Variants in DNAH2 observed in about 807,000 individuals in gnomAD.
DNAH2 encodes the protein axonemal beta dynein heavy chain 2.
Under a neutral mutation model 523.5 loss-of-function variants are expected in DNAH2, and 323 were observed. That is an observed-to-expected ratio of 0.62 (90% confidence interval 0.56 to 0.68). The LOEUF (loss-of-function observed/expected upper bound fraction) is 0.68. DNAH2 is among the 30% of genes least tolerant of loss of function. The pLI, the probability that DNAH2 is intolerant of heterozygous loss-of-function variation, is 0.00. For missense variants in DNAH2, 4,907 were observed against 5,701.5 expected (o/e 0.86, Z 4.49); for synonymous variants, 2,093 against 2,177.4 (o/e 0.96, Z 1.08).
At chr17:7,781,013 A>G in intron 38 of DNAH2, 29 bp from the exon 39 acceptor site, 1 of 1,613,608 alleles carries the variant, frequency 6.2e-7, no homozygotes, top group South Asian at 1.1e-5. Flanking sequence ...TGCCTCCTCA[A>G]GCCTGAGTCT....
intron 11 of DNAH2, 83 bp from the exon 12 acceptor site, chr17:7,742,845 C>G (rs995117988): frequency 5.0e-6 from 5 of 999,208 alleles, no homozygotes; most frequent in Non-Finnish European, 6.9e-6. Flanking sequence ...TGCGCATGCG[C>G]GCATGTGTAG....
In DNAH2 at chr17:7,718,268, G is replaced by A; in HGVS notation, c.-546G>A. On this transcript the variant is annotated 5_prime_UTR_variant, in exon 1 of 86. It removes an upstream start codon present in the reference 5' UTR. Transcript: ENST00000572933. Reference sequence around the variant, plus strand: ...TTGAGGCAGGAAAGCGCAGCTTGATGCTTCTCTGGAGACTGATGGAGGAAG... The same window carrying A: ...TTGAGGCAGGAAAGCGCAGCTTGATACTTCTCTGGAGACTGATGGAGGAAG... The A allele has an allele frequency of 6.6e-6, 1 of 152,196 alleles. No individual in the cohort carries two copies. The highest frequency in any genetic ancestry group is 1.9e-4 in the East Asian group (1 of 5,190). The allele number at this position is 152,196 out of a possible 1,614,324, so 9.4% of individuals were successfully genotyped here. A position where few individuals can be genotyped will look rare whatever the true frequency, so the allele number is the denominator to read the frequency against.
At chr17:7,815,650 A>G (rs1406575485) in intron 63 of DNAH2, among the ~76,000 whole-genome samples, 3 of 151,926 alleles carry the variant, frequency 2.0e-5, no homozygotes, top group Non-Finnish European at 2.9e-5. Flanking sequence ...ACACACGTAT[A>G]CGGGATCACA....
chr17:7,804,824 C>G (rs568853732), intron 59 of DNAH2, 134 bp from the exon 60 acceptor site: 57 of 737,102 alleles, frequency 7.7e-5, no homozygotes, highest in Non-Finnish European at 1.2e-4. Flanking sequence ...CCAGCCTGGG[C>G]GAAAGAGCTA....
intron 18 of DNAH2, among the ~76,000 whole-genome samples, chr17:7,762,943 A>G (rs1192729916): frequency 6.6e-6 from 1 of 150,520 alleles, no homozygotes; most frequent in African/African-American, 2.4e-5. Flanking sequence ...GAAGCAGCAC[A>G]GGGCAAATTC....
intron 48 of DNAH2, among the ~76,000 whole-genome samples, chr17:7,793,640 T>C (rs571281336): frequency 6.6e-6 from 1 of 151,976 alleles, no homozygotes; most frequent in East Asian, 1.9e-4. Context: ...AATTTTATGA[T>C]TTTTAGTGGA....
intron 24 of DNAH2, among the ~76,000 whole-genome samples, chr17:7,770,033 A>G (rs529501885): frequency 5.0e-4 from 76 of 152,332 alleles, no homozygotes; most frequent in African/African-American, 1.8e-3. Context: ...TTTTGTGGGC[A>G]CACCTGCCTT....
intron 7 of DNAH2, 73 bp downstream of exon 7, chr17:7,734,781 T>A: frequency 6.7e-7 from 1 of 1,500,548 alleles, no homozygotes; most frequent in Non-Finnish European, 9.2e-7. Context: ...GGGAGCTAAG[T>A]AAGGAGAGGG....
chr17:7,765,575 G>GA lies in DNAH2; in HGVS notation c.3511+11dup. 6.2e-7 allele frequency: 1 copy of GA among 1,608,680 alleles called. No homozygotes were observed. Among genetic ancestry groups the GA allele is most frequent in the Non-Finnish European group, 8.5e-7 (1 of 1,177,028 alleles). ...GATTTCGAATTCAAAGGTACTCCTTGATCCACCTCTCCCGCTTCTTTAGCC... is the reference window on the plus strand; with the variant it reads ...GATTTCGAATTCAAAGGTACTCCTTGAATCCACCTCTCCCGCTTCTTTAGCC... On this transcript the variant is annotated intron_variant, in intron 21 of 85. Transcript: ENST00000572933.
intron 8 of DNAH2, 132 bp from the exon 9 acceptor site, chr17:7,739,601 C>T (rs2075246384): frequency 1.1e-6 from 1 of 891,156 alleles, no homozygotes; most frequent in Admixed American, 2.8e-5. Flanking sequence ...TAGATATTTT[C>T]TTCTTCTTTT....
Position 7,780,133 on chromosome 17 carries a change from TAAG to T in DNAH2, c.5723-23_5723-21del. ...ATCAAGATGAGGAAATATATGATTC[TAAG>T]CAAGTGGCATTGTTTTCCAGGCTAT... On this transcript the variant is annotated intron_variant, in intron 36 of 85. Transcript: ENST00000572933. The surrounding 1 kb of genome is among the most constrained non-coding windows in gnomAD (Gnocchi z 4.4). The T allele has an allele frequency of 1.9e-6, 3 of 1,599,222 alleles. No individual in the cohort carries two copies. The Admixed American group carries it at 5.4e-5, about 29-fold the overall frequency.
At chr17:7,729,422 C>G (rs2074922076) in intron 4 of DNAH2, among the ~76,000 whole-genome samples, 1 of 151,326 alleles carries the variant, frequency 6.6e-6, no homozygotes, top group African/African-American at 2.4e-5. Context: ...AGAGGAGGAG[C>G]CTAGGTTTGT....
chr17:7,760,931 C>T lies in DNAH2; in HGVS notation c.2977C>T (p.Arg993Cys). Residue 993 changes from arginine (R) to cysteine (C), a missense_variant and splice_region_variant, in exon 18 of 86, where the codon CGC becomes TGC. This residue lies in a region of DNAH2 where 2,806 missense variants were observed against 3,190.8 expected (regional missense o/e 0.88). Coordinates refer to ENST00000572933, the MANE Select transcript of DNAH2 (RefSeq NM_020877.5). The surrounding 1 kb of genome is among the most constrained non-coding windows in gnomAD (Gnocchi z 4.0). Reference protein sequence around the residue: ...PVSSFVADIARYTEVANNVQK... With the variant: ...PVSSFVADIACYTEVANNVQK... ...CTCTTCTTTTGTTGCCGACATTGCC[C>T]GGTGAGTGGTGAGGGTGGATTGAAA... The T allele has an allele frequency of 1.2e-6, 2 of 1,613,802 alleles. No individual in the cohort carries two copies. Among genetic ancestry groups the T allele is most frequent in the Non-Finnish European group, 1.7e-6 (2 of 1,179,838 alleles).
At chr17:7,737,373 C>T in intron 8 of DNAH2, 115 bp downstream of exon 8, 6 of 1,152,478 alleles carry the variant, frequency 5.2e-6, no homozygotes, top group Non-Finnish European at 6.1e-6. Flanking sequence ...GAAGATTGCC[C>T]TTCTGCTCAG....
intron 20 of DNAH2, among the ~76,000 whole-genome samples, chr17:7,764,839 G>GTTT (rs1255726797): frequency 1.8e-5 from 2 of 109,790 alleles, no homozygotes; most frequent in African/African-American, 7.4e-5. Flanking sequence ...ACAGCTTTTG[G>GTTT]ATTTTTTTTT....
intron 7 of DNAH2, among the ~76,000 whole-genome samples, chr17:7,735,794 C>T (rs2075124423): frequency 6.6e-6 from 1 of 150,446 alleles, no homozygotes; most frequent in South Asian, 2.1e-4. Context: ...GCTCTGTCGA[C>T]CAGGCTGGAG....
rs200596999 is a variant in DNAH2 at position 7,777,557 on chromosome 17, G to T, written c.5170G>T (p.Glu1724Ter). ...TIEIHARDVL[E>*]KLYKSGLMDV... ...AGAAATTCATGCCCGGGATGTGTTGGAGAAGCTTTACAAGAGTGGCCTCAT... is the reference window on the plus strand; with the variant it reads ...AGAAATTCATGCCCGGGATGTGTTGTAGAAGCTTTACAAGAGTGGCCTCAT... The change falls in exon 33 of 86, where the codon GAG (glutamate) becomes TAG (stop). Residue 1724 changes from glutamate to a stop codon, truncating the protein, a stop_gained. Coordinates refer to ENST00000572933, the MANE Select transcript of DNAH2 (RefSeq NM_020877.5). LOFTEE classifies it high-confidence loss of function. The T allele has an allele frequency of 1.4e-4, 231 of 1,614,064 alleles. No homozygotes were observed. Among genetic ancestry groups the T allele is most frequent in the Non-Finnish European group, 1.9e-4 (223 of 1,180,032 alleles).
At chr17:7,830,536 A>T (rs777248835) in intron 78 of DNAH2, 45 bp downstream of exon 78, 9 of 1,608,542 alleles carry the variant, frequency 5.6e-6, no homozygotes, top group South Asian at 2.2e-5. Context: ...CTCTCCTTAC[A>T]CGTCCTACCC....
At chr17:7,764,053 A>G (rs2076083069) in intron 19 of DNAH2, 22 bp downstream of exon 19, 10 of 1,614,046 alleles carry the variant, frequency 6.2e-6, no homozygotes, top group South Asian at 1.1e-5. Flanking sequence ...GGCGCCCCAC[A>G]GGAAGGGGGC....
Sources: allele counts gnomAD v4.1 joint callset (sites outside exome capture counted in the v4.1 genomes callset), GRCh38; gene constraint gnomAD v4.1.1; regional missense constraint gnomAD v4.1.1; non-coding constraint Gnocchi (gnomAD v3.1); transcripts MANE v1.5; gene names NCBI Gene and HGNC (gene_info 2026-07-23, HGNC 2026-07-21).